Variants in NHS observed in about 807,000 individuals in gnomAD.
NHS encodes the protein NHS actin remodeling regulator, also known as actin remodeling regulator NHS.
Under a neutral mutation model 72.5 loss-of-function variants are expected in NHS, and 5 were observed. The observed-to-expected ratio is 0.07, with a 90% CI of 0.04 to 0.14. NHS has a LOEUF of 0.14. NHS is among the 10% of genes least tolerant of loss of function. The probability of loss-of-function intolerance (pLI) is 1.00; values close to 1 mark genes in which losing one functional copy is unlikely to be tolerated. For missense variants in NHS, 1,072 were observed against 1,355.7 expected (o/e 0.79, Z 3.29); for synonymous variants, 464 against 547.7 (o/e 0.85, Z 2.13).
At chrX:17,491,158 C>T (rs1176613327) in intron 1 of NHS, among the ~76,000 whole-genome samples, 2 of 111,715 alleles carry the variant, frequency 1.8e-5, no homozygotes, top group Non-Finnish European at 3.8e-5. Context: ...ACTTCCAATA[C>T]TGTGTTGAAT....
At chrX:17,654,522 C>A (rs2065944113) in intron 1 of NHS, among the ~76,000 whole-genome samples, 1 of 112,608 alleles carries the variant, frequency 8.9e-6, no homozygotes, top group Non-Finnish European at 1.9e-5. Flanking sequence ...AGGAAATATT[C>A]TTTATTTCAC....
At chrX:17,569,530 G>A (rs1232316885) in intron 1 of NHS, among the ~76,000 whole-genome samples, 1 of 111,670 alleles carries the variant, frequency 9.0e-6, no homozygotes, top group East Asian at 2.8e-4. Context: ...CTTTTTTCTT[G>A]TAAATTTGTT....
intron 1 of NHS, among the ~76,000 whole-genome samples, chrX:17,453,288 A>G (rs1282859335): frequency 4.5e-5 from 5 of 111,480 alleles, no homozygotes; most frequent in Non-Finnish European, 9.4e-5. Flanking sequence ...CCCCCCACCC[A>G]AAGGACCTGT....
At chrX:17,537,989 G>T (rs1408910565) in intron 1 of NHS, among the ~76,000 whole-genome samples, 1 of 112,109 alleles carries the variant, frequency 8.9e-6, no homozygotes, top group Non-Finnish European at 1.9e-5. Context: ...CCACGGGCAG[G>T]AGGGCTTCCT....
chrX:17,596,260 T>C (rs781385443), intron 1 of NHS, among the ~76,000 whole-genome samples: 1 of 112,005 alleles, frequency 8.9e-6, no homozygotes, highest in South Asian at 3.7e-4. Flanking sequence ...GTAATGTGCT[T>C]GTAATTGTTC....
intron 1 of NHS, among the ~76,000 whole-genome samples, chrX:17,680,802 ACT>A (rs1471370886): frequency 3.6e-5 from 4 of 111,366 alleles, no homozygotes; most frequent in African/African-American, 1.3e-4. Context: ...GAATCCAATG[ACT>A]CTGCTAGATG....
At chrX:17,694,714 T>C (rs772211134) in intron 3 of NHS, among the ~76,000 whole-genome samples, 4 of 112,124 alleles carry the variant, frequency 3.6e-5, no homozygotes, top group South Asian at 7.5e-4. Flanking sequence ...GGCATGAGAA[T>C]TGAACGTGGT....
intron 1 of NHS, among the ~76,000 whole-genome samples, chrX:17,589,109 T>G (rs2065589823): frequency 8.9e-6 from 1 of 112,566 alleles, no homozygotes; most frequent in Non-Finnish European, 1.9e-5. Context: ...TTCTCAATAA[T>G]TCACAAAAGA....
chrX:17,634,848 G>A (rs1008809362), intron 1 of NHS, among the ~76,000 whole-genome samples: 7 of 111,840 alleles, frequency 6.3e-5, no homozygotes, highest in African/African-American at 2.3e-4. Context: ...CAAACCTGTT[G>A]AATAGCGCAC....
At chrX:17,485,303 A>G (rs1027261152) in intron 1 of NHS, among the ~76,000 whole-genome samples, 6 of 112,790 alleles carry the variant, frequency 5.3e-5, no homozygotes, top group African/African-American at 1.3e-4. Flanking sequence ...ATCACATTCT[A>G]TGTTGCACAT....
intron 4 of NHS, among the ~76,000 whole-genome samples, chrX:17,720,497 G>A (rs755213647): frequency 8.9e-6 from 1 of 112,698 alleles, no homozygotes; most frequent in East Asian, 2.8e-4. Flanking sequence ...ACTAGGTTGA[G>A]TGGTGAAAAC....
intron 1 of NHS, among the ~76,000 whole-genome samples, chrX:17,448,850 T>C (rs1057315488): frequency 2.2e-4 from 25 of 112,417 alleles, no homozygotes; most frequent in African/African-American, 7.8e-4. Context: ...CATGTGGTTG[T>C]ATGTGCACAC....
At chrX:17,573,437 A>C (rs768150094) in intron 1 of NHS, among the ~76,000 whole-genome samples, 2 of 109,067 alleles carry the variant, frequency 1.8e-5, no homozygotes, top group Non-Finnish European at 3.8e-5. Flanking sequence ...TTGATCTTCA[A>C]TCACTGATAT....
Position 17,721,424 on chromosome X carries a change from T to C in NHS, c.916-17T>C. The C allele has an allele frequency of 4.1e-6, 5 of 1,207,476 alleles. No individual in the cohort carries two copies. The highest frequency in any genetic ancestry group is 5.6e-6 in the Non-Finnish European group (5 of 891,668). On this transcript the variant is annotated splice_polypyrimidine_tract_variant and intron_variant, in intron 4 of 8. Transcript: ENST00000676302. ...TATAAACTATGATGGCTGAACCTGA[T>C]TGTACTTTGTTTGCAGTCCCATCCC...
rs758807729 is a variant in NHS at position 17,635,940 on chromosome X, G to A, written c.566-51802G>A. Among the ~76,000 whole-genome samples the A allele has an allele frequency of 2.8e-3, 311 of 112,108 alleles. 2 individuals are homozygous for A. The highest frequency in any genetic ancestry group is 9.9e-3 in the African/African-American group (306 of 30,827). The stretch of plus-strand genomic sequence containing the variant: ...AACCCTTTCTTCCTTCTCCTCTTCT[G>A]CTCCGACATTTGAACGTCTTAAAGA... On this transcript the variant is annotated intron_variant, in intron 1 of 8. Coordinates refer to ENST00000676302, the MANE Select transcript of NHS (RefSeq NM_001291867.2).
chrX:17,396,385 TTTCTC>T (rs770225195), intron 1 of NHS, among the ~76,000 whole-genome samples: 1 of 111,760 alleles, frequency 8.9e-6, no homozygotes, highest in African/African-American at 3.2e-5. Context: ...TTCTATTTCT[TTTCTC>T]TTCTCCTTTC....
intron 1 of NHS, among the ~76,000 whole-genome samples, chrX:17,648,086 G>A (rs1487908076): frequency 1.8e-5 from 2 of 111,492 alleles, no homozygotes; most frequent in Non-Finnish European, 3.8e-5. Context: ...TTTAAAGAAC[G>A]GCATTAGTTA....
At position 17,641,517 on chromosome X, in the gene NHS, G is replaced by A. The variant is rs1224307721; in HGVS notation, c.566-46225G>A. On this transcript the variant is annotated intron_variant, in intron 1 of 8. Transcript: ENST00000676302. The stretch of plus-strand genomic sequence containing the variant: ...AACATATCACGCTGAAAATAACTAT[G>A]AATTTGGAAACTTGGTAAAGGGCAA... Among the ~76,000 whole-genome samples, 3 of 111,724 alleles carry A rather than the reference G, an allele frequency of 2.7e-5. No homozygotes were observed. The East Asian group carries it at 8.4e-4, about 31-fold the overall frequency.
intron 3 of NHS, among the ~76,000 whole-genome samples, chrX:17,711,590 T>C (rs931508940): frequency 1.8e-5 from 2 of 111,989 alleles, no homozygotes; most frequent in Non-Finnish European, 3.8e-5. Context: ...GAGAGATGCT[T>C]TGCAGTCACA....
Sources: gnomAD v4.1 joint callset for allele counts (sites outside exome capture counted in the v4.1 genomes callset) on GRCh38, gnomAD v4.1.1 for gene constraint, MANE v1.5 for transcripts, NCBI Gene and HGNC (gene_info 2026-07-23, HGNC 2026-07-21) for gene names.